TULP4: variants seen among roughly 807,000 people sequenced by gnomAD.
TULP4 encodes tubby-related protein 4.
In TULP4, 16 loss-of-function variants were observed where a neutral mutation model predicts 129.0. The observed-to-expected ratio is 0.12, with a 90% CI of 0.08 to 0.19. The LOEUF is 0.19. Ranked by LOEUF, TULP4 falls within the 10% of genes least tolerant of loss-of-function variation. The pLI is 1.00. For missense variants in TULP4, 1,842 were observed against 2,059.1 expected (o/e 0.89, Z 2.04); for synonymous variants, 998 against 854.0 (o/e 1.17, Z -2.94).
chr6:158,461,422 A>G (rs1779422150), intron 5 of TULP4, 141 bp from the exon 6 acceptor site: 6 of 881,062 alleles, frequency 6.8e-6, no homozygotes, highest in Middle Eastern at 3.6e-4. Context: ...AAAAAAAAAA[A>G]AAAAGGAAAA....
intron 1 of TULP4, among the ~76,000 whole-genome samples, chr6:158,323,029 A>G (rs1401244977): frequency 6.6e-6 from 1 of 152,126 alleles, no homozygotes; most frequent in Non-Finnish European, 1.5e-5. Flanking sequence ...GGCTTTAGAG[A>G]GGCATTTCTG....
At chr6:158,284,315 G>A (rs1335327954) in intron 1 of TULP4, among the ~76,000 whole-genome samples, 3 of 152,172 alleles carry the variant, frequency 2.0e-5, no homozygotes, top group Non-Finnish European at 4.4e-5. Context: ...TTGAATTAAT[G>A]CTACCTGCAT....
At chr6:158,446,490 T>C (rs1268238621) in intron 3 of TULP4, among the ~76,000 whole-genome samples, 1 of 152,220 alleles carries the variant, frequency 6.6e-6, no homozygotes, top group African/African-American at 2.4e-5. Context: ...ATCTGTCCTT[T>C]CTTCTCTAAA....
intron 1 of TULP4, among the ~76,000 whole-genome samples, chr6:158,317,826 C>T (rs998451137): frequency 3.3e-5 from 5 of 152,288 alleles, no homozygotes; most frequent in African/African-American, 1.2e-4. Flanking sequence ...CCTGTTGTTT[C>T]CTGACTTTTT....
chr6:158,379,562 C>T (rs1204029435), intron 1 of TULP4, among the ~76,000 whole-genome samples: 3 of 152,170 alleles, frequency 2.0e-5, no homozygotes, highest in Admixed American at 6.5e-5. Context: ...CTAGTTTCTA[C>T]GTGTTTAGCC....
rs1779905641 is a variant in TULP4, at chr6:158,480,085, C to T, written c.1251+110C>T. 3.7e-6 allele frequency: 3 copies of T among 815,896 alleles called. 1 individual carries two copies. In the East Asian group the frequency reaches 7.9e-5, roughly 22 times the overall value. The allele number at this position is 815,896 out of a possible 1,614,324, so 50.5% of individuals were successfully genotyped here. On this transcript the variant is annotated intron_variant, in intron 7 of 13. Transcript: ENST00000367097. ...CAGAGTGAGCACATGGGGCCATGTG[C>T]AGCTGTGCAGGATCCTGTCATGTGC... is the stretch of plus-strand genomic sequence containing the variant.
At chr6:158,489,558 C>G (rs755933139) in intron 8 of TULP4, 30 bp from the exon 9 acceptor site, 1 of 1,613,434 alleles carries the variant, frequency 6.2e-7, no homozygotes, top group Admixed American at 1.7e-5. Flanking sequence ...TATAACTTCC[C>G]TTGAAATCTG....
intron 1 of TULP4, among the ~76,000 whole-genome samples, chr6:158,381,883 A>G (rs922093614): frequency 6.6e-6 from 1 of 152,166 alleles, no homozygotes; most frequent in South Asian, 2.1e-4. Context: ...GGACCATCAC[A>G]TTTAATTGTG....
intron 1 of TULP4, among the ~76,000 whole-genome samples, chr6:158,395,124 G>A (rs567625458): frequency 2.0e-5 from 3 of 152,258 alleles, no homozygotes; most frequent in East Asian, 1.9e-4. Flanking sequence ...AGATTTGGGC[G>A]GGGACACAAA....
intron 1 of TULP4, among the ~76,000 whole-genome samples, chr6:158,241,165 C>T (rs28430854): frequency 0.12 from 14,506 of 124,352 alleles, 1,136 homozygotes; most frequent in Middle Eastern, 0.18. Flanking sequence ...CGGGCAGAGA[C>T]GCTCCTCACT....
chr6:158,479,579 A>G (rs932641933), intron 6 of TULP4, among the ~76,000 whole-genome samples, 172 bp from the exon 7 acceptor site: 2 of 152,196 alleles, frequency 1.3e-5, no homozygotes, highest in Non-Finnish European at 2.9e-5. Flanking sequence ...CCAATTTTCA[A>G]TAAACATACT....
chr6:158,374,466 T>C (rs1777141255), intron 1 of TULP4, among the ~76,000 whole-genome samples: 1 of 152,216 alleles, frequency 6.6e-6, no homozygotes, highest in East Asian at 1.9e-4. Flanking sequence ...TCTTTTGTAT[T>C]CTCTCATGGG....
At position 158,314,060 on chromosome 6, in the gene TULP4, C is replaced by G; in HGVS notation, c.44C>G (p.Ser15Cys). Reference sequence around the variant, plus strand: ...CATGGGCCTGTGCTTTGCAGCGATTCCAACATCCTGTGCCTGTCCTGGAAG... The same window carrying G: ...CATGGGCCTGTGCTTTGCAGCGATTGCAACATCCTGTGCCTGTCCTGGAAG... ...VEHGPVLCSD[S>C]NILCLSWKGR... The change falls in exon 1 of 14, where the codon TCC becomes TGC. Residue 15 changes from serine to cysteine, a missense_variant. Ser to Cys is a moderately radical substitution (Grantham distance 112). Coordinates refer to ENST00000367097, the MANE Select transcript of TULP4 (RefSeq NM_020245.5). 6.2e-7 allele frequency: 1 copy of G among 1,614,172 alleles called. No homozygotes were observed. The highest frequency in any genetic ancestry group is 8.5e-7 in the Non-Finnish European group (1 of 1,180,028).
intron 1 of TULP4, among the ~76,000 whole-genome samples, chr6:158,285,823 T>TA (rs1274405625): frequency 6.6e-6 from 1 of 152,176 alleles, no homozygotes; most frequent in African/African-American, 2.4e-5. Flanking sequence ...CACTTCTGCT[T>TA]ACCATCAGAA....
At chr6:158,356,414 G>A (rs1023149758) in intron 1 of TULP4, among the ~76,000 whole-genome samples, 2 of 152,176 alleles carry the variant, frequency 1.3e-5, no homozygotes, top group Admixed American at 1.3e-4. Context: ...TTCCCTCACT[G>A]CAAAGATGTC....
rs1306630593 is a variant in TULP4, at chr6:158,339,008, A to G, written c.252+24740A>G. 3.3e-5 allele frequency among the ~76,000 whole-genome samples: 5 copies of G among 152,304 alleles called. No individual in the cohort carries two copies. In the East Asian group the frequency reaches 7.7e-4, roughly 23 times the overall value. Reference sequence around the variant, plus strand: ...TAAGACTGAGTCTTACACTTGGGAAAAAGTCTTGCACTTGGGAAAAAGAAA... The same window carrying G: ...TAAGACTGAGTCTTACACTTGGGAAGAAGTCTTGCACTTGGGAAAAAGAAA... On this transcript the variant is annotated intron_variant, in intron 1 of 13. Transcript: ENST00000367097.
At chr6:158,311,396 C>G (rs574489050), upstream of TULP4, among the ~76,000 whole-genome samples, 3 of 152,218 alleles carry the variant, frequency 2.0e-5, no homozygotes, top group African/African-American at 7.2e-5. Flanking sequence ...AAGTTAGGGA[C>G]AGAGTGTTCT....
At chr6:158,489,296 A>C (rs1780142004) in intron 8 of TULP4, among the ~76,000 whole-genome samples, 1 of 152,226 alleles carries the variant, frequency 6.6e-6, no homozygotes, top group Non-Finnish European at 1.5e-5. Context: ...GTGTGTTGTG[A>C]GACAACAGCA....
chr6:158,357,236 G>C lies in TULP4; in HGVS notation c.252+42968G>C, dbSNP rs1308421718. ...TTCGAGTCAAGGTTTTATTTGTCTA[G>C]AAATGAGAGCCTTGTCTGAGGAGAA... is the stretch of plus-strand genomic sequence containing the variant. On this transcript the variant is annotated intron_variant, in intron 1 of 13. Coordinates refer to ENST00000367097, the MANE Select transcript of TULP4 (RefSeq NM_020245.5). 4.6e-5 allele frequency among the ~76,000 whole-genome samples: 7 copies of C among 152,322 alleles called. No homozygotes were observed. The East Asian group carries it at 1.4e-3, about 29-fold the overall frequency.
Sources: allele counts gnomAD v4.1 joint callset (sites outside exome capture counted in the v4.1 genomes callset), GRCh38; gene constraint gnomAD v4.1.1; transcripts MANE v1.5; gene names NCBI Gene and HGNC (gene_info 2026-07-23, HGNC 2026-07-21).